Variants in PLEC observed in about 807,000 individuals in gnomAD.
PLEC encodes the protein hemidesmosomal protein 1.
PLEC carries 216 observed loss-of-function variants against 392.8 expected under a neutral mutation model. That is an observed-to-expected ratio of 0.55 (90% CI 0.49 to 0.62). The LOEUF (loss-of-function observed/expected upper bound fraction) is 0.62. PLEC is among the 20% of genes least tolerant of loss of function. The pLI is 0.00. For synonymous variants in PLEC, 3,621 were observed against 2,980.6 expected (o/e 1.21, Z -7.00); for missense variants, 6,863 against 6,563.4 (o/e 1.05, Z -1.58).
intron 6 of PLEC, 73 bp from the exon 7 acceptor site, chr8:143,935,386 G>T: frequency 9.8e-7 from 1 of 1,017,606 alleles, no homozygotes; most frequent in Non-Finnish European, 1.5e-6. Context: ...GGGTGCACAG[G>T]CCGGCTCCTC....
At position 143,922,895 on chromosome 8, in the gene PLEC, C is replaced by T. The variant is rs541098488; in HGVS notation, c.7034G>A (p.Arg2345Gln). ...CATCTGCTCCTTGTCCTCCTGCAGC[C>T]GCCGCGCCTGCTCCTGCGCAAGCTC... The part of the protein sequence containing the change: ...QKELAQEQAR[R>Q]LQEDKEQMAQ... The change falls in exon 31 of 32, where the codon CGG (arginine) becomes CAG (glutamine). Residue 2345 changes from arginine to glutamine, a missense_variant. By Grantham distance (43) the Arg-to-Gln change is conservative. Transcript: ENST00000345136. 4.9e-5 allele frequency: 77 copies of T among 1,585,908 alleles called. 1 individual carries two copies. Among genetic ancestry groups the T allele is most frequent in the Admixed American group, 1.1e-4 (6 of 55,940 alleles).
rs1554718927 is a variant in PLEC, at chr8:143,933,099, C to T, written c.1431G>A (p.Leu477=). 2.5e-6 allele frequency: 4 copies of T among 1,593,106 alleles called. No individual in the cohort carries two copies. Among genetic ancestry groups the T allele is most frequent in the Non-Finnish European group, 2.6e-6 (3 of 1,172,598 alleles). ...GEQMYRRVYR[L]HERLVAIRTE... ...TGCGGATGGCTACCAGGCGCTCGTG[C>T]AGACGGTACACCCTGGGGCAGCAGA... Residue 477 remains leucine (L), a synonymous_variant, in exon 14 of 32, where the codon CTG becomes CTA. Coordinates refer to ENST00000345136, the MANE Select transcript of PLEC (RefSeq NM_201384.3).
chr8:143,944,654 C>T (rs919667317), intron 1 of PLEC: 7 of 1,344,626 alleles, frequency 5.2e-6, no homozygotes, highest in Non-Finnish European at 6.7e-6. Flanking sequence ...CTACCGGGCA[C>T]GATCTTCATC....
At chr8:143,953,189 C>A (rs1350240030), upstream of PLEC, among the ~76,000 whole-genome samples, 11 of 150,900 alleles carry the variant, frequency 7.3e-5, no homozygotes, top group Non-Finnish European at 1.5e-4. Context: ...GGCCCCTTCT[C>A]CCCCCACTCC....
At chr8:143,968,114 C>T (rs534711615) in intron 1 of PLEC, among the ~76,000 whole-genome samples, 80 of 148,420 alleles carry the variant, frequency 5.4e-4, no homozygotes, top group Admixed American at 2.2e-3. Flanking sequence ...GGTGACAGAG[C>T]GAGACAGAGC....
chr8:143,917,757 G>A lies in PLEC; in HGVS notation c.12064C>T (p.Leu4022Phe), dbSNP rs189061273. Residue 4022 changes from leucine to phenylalanine, a missense_variant, in exon 32 of 32, where the codon CTC becomes TTC. Transcript: ENST00000345136. Reference sequence around the variant, plus strand: ...TTCATGGCCTGGAAGAGGGAGATGAGCTTCCCAGAGTAGGGGTCCTTGTAC... The same window carrying A: ...TTCATGGCCTGGAAGAGGGAGATGAACTTCCCAGAGTAGGGGTCCTTGTAC... ...TGYKDPYSGK[L>F]ISLFQAMKKG... The A allele has an allele frequency of 2.2e-4, 348 of 1,613,448 alleles. 3 individuals are homozygous for A. The East Asian group carries it at 5.5e-3, about 26-fold the overall frequency.
rs1056417199 is a variant in PLEC at position 143,925,089 on chromosome 8, C to T, written c.4840G>A (p.Ala1614Thr). ...CGCTCGGCCTCGGCCTGCTGCTGTG[C>T]CCGCCGCTCAGCCTCCTCCCGCAGC... ...AQLREEAERR[A>T]QQQAEAERAR... Residue 1614 changes from alanine to threonine, a missense_variant, in exon 31 of 32, where the codon GCA (alanine) becomes ACA (threonine). Coordinates refer to ENST00000345136, the MANE Select transcript of PLEC (RefSeq NM_201384.3). 6.5e-7 allele frequency: 1 copy of T among 1,544,814 alleles called. No homozygotes were observed. Among genetic ancestry groups the T allele is most frequent in the African/African-American group, 1.4e-5 (1 of 73,320 alleles).
chr8:143,972,631 C>G (rs1346405736), intron 1 of PLEC, among the ~76,000 whole-genome samples: 2 of 152,254 alleles, frequency 1.3e-5, no homozygotes, highest in East Asian at 3.9e-4. Context: ...TCCCCAGCAG[C>G]TCAGTCCCTT....
upstream of PLEC, chr8:143,944,074 C>T: frequency 1.3e-6 from 1 of 794,930 alleles, no homozygotes; most frequent in Non-Finnish European, 1.9e-6. Context: ...CGCCTCCTCT[C>T]CTCCTCCCTC....
chr8:143,970,669 GCT>G (rs1833379402), intron 1 of PLEC, among the ~76,000 whole-genome samples: 1 of 152,100 alleles, frequency 6.6e-6, no homozygotes, highest in Non-Finnish European at 1.5e-5. Context: ...TGGCAACACC[GCT>G]CTCTTTTCAG....
In PLEC at chr8:143,932,394, G is replaced by A. The variant is rs370828233; in HGVS notation, c.1977+6C>T. On this transcript the variant is annotated splice_donor_region_variant and intron_variant, in intron 16 of 31. Transcript: ENST00000345136. ...TGGGGTTCAGGGCAGCTGGGCCACC[G>A]CTCACCGAGTAGCTCTCCTTCTTGG... 30 of 1,612,480 alleles carry A rather than the reference G, an allele frequency of 1.9e-5. No individual in the cohort carries two copies. Among genetic ancestry groups the A allele is most frequent in the South Asian group, 2.2e-5 (2 of 91,090 alleles).
In PLEC at chr8:143,919,414, G is replaced by C; in HGVS notation, c.10407C>G (p.Ile3469Met). Reference protein sequence around the residue: ...QHGIRLLEAQIATGGIIDPVH... With the variant: ...QHGIRLLEAQMATGGIIDPVH... ...CGGGGTCGATGATGCCGCCCGTGGCGATCTGGGCCTCCAGCAGGCGGATGC... is the reference window on the plus strand; with the variant it reads ...CGGGGTCGATGATGCCGCCCGTGGCCATCTGGGCCTCCAGCAGGCGGATGC... Residue 3469 changes from isoleucine (I) to methionine (M), a missense_variant, in exon 32 of 32, where the codon ATC (isoleucine) becomes ATG (methionine). Ile to Met is a conservative substitution (Grantham distance 10). Transcript: ENST00000345136. 3 of 1,613,310 alleles carry C rather than the reference G, an allele frequency of 1.9e-6. No homozygotes were observed. Among genetic ancestry groups the C allele is most frequent in the East Asian group, 2.2e-5 (1 of 44,868 alleles).
intron 19 of PLEC, among the ~76,000 whole-genome samples, chr8:143,931,241 G>A (rs1296000602): frequency 1.3e-5 from 2 of 152,216 alleles, no homozygotes; most frequent in Admixed American, 6.5e-5. Context: ...GGCTTGGACC[G>A]GCTGCCTCTC....
At position 143,924,872 on chromosome 8, in the gene PLEC, T is replaced by A; in HGVS notation, c.5057A>T (p.Gln1686Leu). 6.3e-7 allele frequency: 1 copy of A among 1,588,656 alleles called. No homozygotes were observed. The highest frequency in any genetic ancestry group is 8.5e-7 in the Non-Finnish European group (1 of 1,175,044). Residue 1686 changes from glutamine (Q) to leucine (L), a missense_variant, in exon 31 of 32, where the codon CAG becomes CTG. By Grantham distance (113) the Gln-to-Leu change is moderately radical. Coordinates refer to ENST00000345136, the MANE Select transcript of PLEC (RefSeq NM_201384.3). ...CAGCTCTTGTTCAGCCAGCTCCCGCTGCCGGACGGCCTGCTCCTCCGCCTT... is the reference window on the plus strand; with the variant it reads ...CAGCTCTTGTTCAGCCAGCTCCCGCAGCCGGACGGCCTGCTCCTCCGCCTT... ...RGKAEEQAVRQRELAEQELEK... is the reference protein window; with the variant it reads ...RGKAEEQAVRLRELAEQELEK...
chr8:143,952,054 G>C (rs533304325), upstream of PLEC, among the ~76,000 whole-genome samples: 18 of 152,342 alleles, frequency 1.2e-4, no homozygotes, highest in Non-Finnish European at 2.1e-4. Flanking sequence ...AGGGCGGTGG[G>C]GGGGAGTGGG....
In PLEC at chr8:143,934,107, A is replaced by C. The variant is rs782311938; in HGVS notation, c.1170-16T>G. On this transcript the variant is annotated splice_polypyrimidine_tract_variant and intron_variant, in intron 11 of 31. Transcript: ENST00000345136. Reference sequence around the variant, plus strand: ...ACACTCCAGCCTGCAGCAGCAGCACAGGGAAGGGGCCGCGTTGGCCGGGTC... The same window carrying C: ...ACACTCCAGCCTGCAGCAGCAGCACCGGGAAGGGGCCGCGTTGGCCGGGTC... The C allele has an allele frequency of 1.9e-6, 3 of 1,609,912 alleles. No homozygotes were observed. Among genetic ancestry groups the C allele is most frequent in the Non-Finnish European group, 8.5e-7 (1 of 1,178,616 alleles).
chr8:143,944,565 T>C, upstream of PLEC: 2 of 856,238 alleles, frequency 2.3e-6, no homozygotes, highest in Non-Finnish European at 3.3e-6. Flanking sequence ...GCCCCTGGCC[T>C]CCAGCCTCAG....
chr8:143,945,947 G>A (rs1044059599), intron 1 of PLEC, among the ~76,000 whole-genome samples: 7 of 152,268 alleles, frequency 4.6e-5, no homozygotes, highest in Non-Finnish European at 1.5e-5. Context: ...ACCCAGGCAT[G>A]CCAGAAAGGG....
In PLEC at chr8:143,921,061, C is replaced by T. The variant is rs782654615; in HGVS notation, c.8760G>A (p.Lys2920=). ...VSAPFGKFQG[K]TVTIWEIINS... is the part of the protein sequence containing the mutation. The stretch of plus-strand genomic sequence containing the variant: ...TGATGATCTCCCAAATGGTCACCGT[C>T]TTGCCCTGGAACTTGCCGAACGGCG... The change falls in exon 32 of 32, where the codon AAG becomes AAA. Residue 2920 remains lysine, a synonymous_variant. Coordinates refer to ENST00000345136, the MANE Select transcript of PLEC (RefSeq NM_201384.3). 2 of 1,612,156 alleles carry T rather than the reference C, an allele frequency of 1.2e-6. No homozygotes were observed. Among genetic ancestry groups the T allele is most frequent in the South Asian group, 2.2e-5 (2 of 91,088 alleles).
Sources: allele counts gnomAD v4.1 joint callset (sites outside exome capture counted in the v4.1 genomes callset), GRCh38; gene constraint gnomAD v4.1.1; transcripts MANE v1.5; gene names NCBI Gene and HGNC (gene_info 2026-07-23, HGNC 2026-07-21).